Variants in ALOXE3 observed in about 807,000 individuals in gnomAD.
ALOXE3 encodes the protein hydroperoxide isomerase ALOXE3.
ALOXE3 carries 78 observed loss-of-function variants against 87.5 expected under a neutral mutation model. The ratio of observed to expected loss-of-function variants is 0.89; its 90% CI spans 0.74 to 1.08. The LOEUF (loss-of-function observed/expected upper bound fraction) is 1.08. Among genes scored for constraint, ALOXE3 ranks in the 50% least tolerant of loss-of-function variants. The pLI, the probability that ALOXE3 is intolerant of heterozygous loss-of-function variation, is 0.00. For missense variants in ALOXE3, 946 were observed against 912.4 expected (o/e 1.04, Z -0.47); for synonymous variants, 363 against 370.8 (o/e 0.98, Z 0.24).
At position 8,116,172 on chromosome 17, in the gene ALOXE3, A is replaced by G. The variant is rs3027221; in HGVS notation, c.353-484T>C. ...ATTCATTTGCCTCACTTTGACCTAG[A>G]ATATCCCTCCTTCATCCTGAGCCTC... On this transcript the variant is annotated intron_variant, in intron 3 of 15. Coordinates refer to ENST00000448843, the MANE Select transcript of ALOXE3 (RefSeq NM_021628.3). 2.5e-3 allele frequency among the ~76,000 whole-genome samples: 386 copies of G among 152,298 alleles called. 14 individuals are homozygous for G. In the South Asian group the frequency reaches 0.056, roughly 22 times the overall value.
rs576924256 is a variant in ALOXE3 at position 8,096,875 on chromosome 17, G to A, written c.1957-69C>T. 514 of 1,556,388 alleles carry A rather than the reference G, an allele frequency of 3.3e-4. 7 individuals are homozygous for A. The South Asian group carries it at 5.4e-3, about 16-fold the overall frequency. On this transcript the variant is annotated intron_variant, in intron 15 of 15. Coordinates refer to ENST00000448843, the MANE Select transcript of ALOXE3 (RefSeq NM_021628.3). ...GATGGGGAATAACGGAGGACCACAT[G>A]TAACAGCAAATCCAGTCAAGGTGGC...
At chr17:8,113,689 G>T (rs929673746) in intron 6 of ALOXE3, among the ~76,000 whole-genome samples, 3 of 151,860 alleles carry the variant, frequency 2.0e-5, no homozygotes, top group African/African-American at 7.3e-5. Context: ...AATGGAACAT[G>T]GAACAAGTAG....
chr17:8,111,799 G>C (rs773173515), intron 7 of ALOXE3, among the ~76,000 whole-genome samples: 1 of 150,530 alleles, frequency 6.6e-6, no homozygotes, highest in African/African-American at 2.5e-5. Context: ...TAGGGGAAGA[G>C]AGTCGTGTGT....
chr17:8,106,670 A>G (rs1054550073), intron 13 of ALOXE3, among the ~76,000 whole-genome samples: 5 of 152,180 alleles, frequency 3.3e-5, no homozygotes, highest in Non-Finnish European at 5.9e-5. Context: ...TACTAAAAAT[A>G]CAAAAATTAT....
At chr17:8,114,457 T>C in intron 6 of ALOXE3, 27 bp downstream of exon 6, 1 of 1,613,070 alleles carries the variant, frequency 6.2e-7, no homozygotes, top group Admixed American at 1.7e-5. Flanking sequence ...AGATGTAAGA[T>C]GTTCATTAGA....
rs775921838 is a variant in ALOXE3 at position 8,117,956 on chromosome 17, G to A, written c.35C>T (p.Pro12Leu). 51 of 1,612,078 alleles carry A rather than the reference G, an allele frequency of 3.2e-5. No homozygotes were observed. The South Asian group carries it at 4.6e-4, about 15-fold the overall frequency. The change falls in exon 2 of 16, where the codon CCC becomes CTC. Residue 12 changes from proline (P) to leucine (L), a missense_variant. Coordinates refer to ENST00000448843, the MANE Select transcript of ALOXE3 (RefSeq NM_021628.3). ...AVYRLCVTTG[P>L]YLRAGTLDNI... ...GTCCAGTGTGCCGGCCCTCAGGTAG[G>A]GACCAGTGGTCACACACAGGCGGTA... is the stretch of plus-strand genomic sequence containing the variant.
intron 15 of ALOXE3, among the ~76,000 whole-genome samples, chr17:8,097,297 G>C (rs73239995): frequency 0.029 from 4,338 of 151,956 alleles, 206 homozygotes; most frequent in African/African-American, 0.099. Flanking sequence ...GCCTGGCCTA[G>C]ACCTTTAAAG....
In ALOXE3 at chr17:8,107,911, A is replaced by G. The variant is rs1273612558; in HGVS notation, c.1684+557T>C. On this transcript the variant is annotated intron_variant, in intron 13 of 15. Coordinates refer to ENST00000448843, the MANE Select transcript of ALOXE3 (RefSeq NM_021628.3). Reference sequence around the variant, plus strand: ...AAAGAAAGAAAGAAAGAAAGAAAGAAAGAAAGAAAGAAAGAAAGAAAGAAA... The same window carrying G: ...AAAGAAAGAAAGAAAGAAAGAAAGAGAGAAAGAAAGAAAGAAAGAAAGAAA... Among the ~76,000 whole-genome samples, 23 of 7,370 alleles carry G rather than the reference A, an allele frequency of 3.1e-3. 7 individuals are homozygous for G. Among genetic ancestry groups the G allele is most frequent in the Admixed American group, 0.014 (12 of 830 alleles). 4.8% of individuals were successfully genotyped at this position (7,370 alleles called of 152,430 possible).
Position 8,116,791 on chromosome 17 carries a change from G to C in ALOXE3, c.337C>G (p.Leu113Val). Residue 113 changes from leucine (L) to valine (V), a missense_variant, in exon 3 of 16, where the codon CTG becomes GTG. By Grantham distance (32) the Leu-to-Val change is conservative (BLOSUM62 1). Transcript: ENST00000448843. ...TCTGGCCCACCTGTTCCTGGCCTCA[G>C]CTCCACGGTGCAGTAGCCTTCAATC... ...QWIEGYCTVE[L>V]RPGTARTICQ... 6.2e-7 allele frequency: 1 copy of C among 1,614,210 alleles called. No individual in the cohort carries two copies. Among genetic ancestry groups the C allele is most frequent in the Non-Finnish European group, 8.5e-7 (1 of 1,180,034 alleles).
In ALOXE3 at chr17:8,096,202, G is replaced by A. The variant is rs994989728; in HGVS notation, c.*425C>T. ...CCAGGCTTTTCCAGAGAAGGAAGCT[G>A]GGCTGGTGGCTCTAGGCTTGGAAGA... is the stretch of plus-strand genomic sequence containing the variant. On this transcript the variant is annotated 3_prime_UTR_variant, in exon 16 of 16. Coordinates refer to ENST00000448843, the MANE Select transcript of ALOXE3 (RefSeq NM_021628.3). The A allele has an allele frequency of 5.3e-6, 1 of 188,736 alleles. No individual in the cohort carries two copies. The highest frequency in any genetic ancestry group is 1.1e-5 in the Non-Finnish European group (1 of 89,398). 11.7% of individuals were successfully genotyped at this position (188,736 alleles called of 1,614,324 possible). A position where few individuals can be genotyped will look rare whatever the true frequency, so the allele number is the denominator to read the frequency against.
chr17:8,115,739 CT>C (rs1236104638), intron 3 of ALOXE3, 51 bp from the exon 4 acceptor site: 1 of 1,562,964 alleles, frequency 6.4e-7, no homozygotes, highest in Admixed American at 1.7e-5. Flanking sequence ...CCAACAACAT[CT>C]TCTGCAAACC....
At chr17:8,114,341 G>A in intron 6 of ALOXE3, 143 bp downstream of exon 6, 2 of 1,165,798 alleles carry the variant, frequency 1.7e-6, no homozygotes, top group Non-Finnish European at 2.5e-6. Flanking sequence ...TGTGGGGCAG[G>A]GAGAGGGAAT....
At chr17:8,102,249 C>T (rs967486843) in intron 15 of ALOXE3, among the ~76,000 whole-genome samples, 24 of 152,188 alleles carry the variant, frequency 1.6e-4, no homozygotes, top group African/African-American at 5.5e-4. Context: ...AATTCCAGCA[C>T]TTTGGGAGGC....
Position 8,109,307 on chromosome 17 carries a change from T to A in ALOXE3, c.1429A>T (p.Met477Leu), listed in dbSNP as rs1159132723. The A allele has an allele frequency of 4.3e-6, 7 of 1,613,786 alleles. No homozygotes were observed. Among genetic ancestry groups the A allele is most frequent in the Non-Finnish European group, 5.9e-6 (7 of 1,179,986 alleles). Residue 477 changes from methionine (M) to leucine (L), a missense_variant, in exon 12 of 16, where the codon ATG becomes TTG. Transcript: ENST00000448843. ...SIGRQGLIYL[M>L]STGLAHFTYT... is the part of the protein sequence containing the mutation. ...GTGAAGTGGGCCAGGCCCGTGCTCA[T>A]GAGGTAGATGAGGCCTTGCCTCCCG... is the stretch of plus-strand genomic sequence containing the variant.
chr17:8,114,437 G>C (rs1980392467), intron 6 of ALOXE3, 47 bp downstream of exon 6: 1 of 1,613,732 alleles, frequency 6.2e-7, no homozygotes, highest in Non-Finnish European at 8.5e-7. Flanking sequence ...GGAGGGGGAT[G>C]GATGGGCAGA....
chr17:8,117,134 C>T (rs1980672776), intron 2 of ALOXE3, among the ~76,000 whole-genome samples, 154 bp from the exon 3 acceptor site: 1 of 152,266 alleles, frequency 6.6e-6, no homozygotes, highest in South Asian at 2.1e-4. Flanking sequence ...TTAGAAAAAG[C>T]TTCCCCGGGC....
intron 15 of ALOXE3, among the ~76,000 whole-genome samples, chr17:8,101,452 T>C (rs1432499266): frequency 6.6e-6 from 1 of 152,204 alleles, no homozygotes; most frequent in Non-Finnish European, 1.5e-5. Context: ...ATTGTTGTTA[T>C]AAATTTCCAA....
At chr17:8,115,805 C>G in intron 3 of ALOXE3, 117 bp from the exon 4 acceptor site, 2 of 1,013,674 alleles carry the variant, frequency 2.0e-6, no homozygotes, top group South Asian at 2.6e-5. Context: ...CCCTGTGAAA[C>G]ACGTGGCGGT....
rs777626848 is a variant in ALOXE3 at position 8,111,220 on chromosome 17, C to G, written c.957+139G>C. 24 of 1,078,566 alleles carry G rather than the reference C, an allele frequency of 2.2e-5. No individual in the cohort carries two copies. In the South Asian group the frequency reaches 3.1e-4, roughly 14 times the overall value. 66.8% of individuals were successfully genotyped at this position (1,078,566 alleles called of 1,614,324 possible). On this transcript the variant is annotated intron_variant, in intron 8 of 15. Transcript: ENST00000448843. ...TCTGCTCTACTTAAAGTGTGCAGGACCATGGCTGCCCAGAGGATGAGGCCC... is the reference window on the plus strand; with the variant it reads ...TCTGCTCTACTTAAAGTGTGCAGGAGCATGGCTGCCCAGAGGATGAGGCCC...
Sources: gnomAD v4.1 joint callset for allele counts (sites outside exome capture counted in the v4.1 genomes callset) on GRCh38, gnomAD v4.1.1 for gene constraint, MANE v1.5 for transcripts, NCBI Gene and HGNC (gene_info 2026-07-23, HGNC 2026-07-21) for gene names.